Variants in CHLSN observed in about 807,000 individuals in gnomAD.
CHLSN encodes the protein cholesin.
At chr7:991,029 C>T in the CHLSN span, among the ~76,000 whole-genome samples, 7 of 151,998 alleles carry the variant, frequency 4.6e-5, no homozygotes, top group Non-Finnish European at 8.8e-5. Context: ...ACTCAGGCCC[C>T]GCCCTCCCGG....
At chr7:994,890 T>A in the CHLSN span, among the ~76,000 whole-genome samples, 85 of 152,366 alleles carry the variant, frequency 5.6e-4, no homozygotes, top group African/African-American at 1.9e-3. Flanking sequence ...AAAGCACGCA[T>A]GCCCACGCTA....
the CHLSN span, among the ~76,000 whole-genome samples, chr7:1,103,678 G>A: frequency 1.3e-5 from 2 of 152,148 alleles, no homozygotes; most frequent in African/African-American, 2.4e-5. Context: ...CATTATGATC[G>A]AGTTTAAACA....
chr7:1,089,522 G>A, the CHLSN span, among the ~76,000 whole-genome samples: 7 of 151,916 alleles, frequency 4.6e-5, no homozygotes, highest in African/African-American at 1.2e-4. Flanking sequence ...AGGCTCAGGC[G>A]ATCCTCCTGC....
the CHLSN span, among the ~76,000 whole-genome samples, chr7:1,113,810 G>A: frequency 2.0e-5 from 3 of 152,312 alleles, no homozygotes; most frequent in South Asian, 6.2e-4. Flanking sequence ...AAGGAGCGGT[G>A]CAGAAACTCT....
the CHLSN span, among the ~76,000 whole-genome samples, chr7:1,125,584 C>G: frequency 6.7e-6 from 1 of 149,548 alleles, no homozygotes; most frequent in African/African-American, 2.6e-5. Context: ...ACAGAATGGT[C>G]TCAAAGTTTA....
At chr7:1,105,539 A>G in the CHLSN span, among the ~76,000 whole-genome samples, 1 of 152,242 alleles carries the variant, frequency 6.6e-6, no homozygotes. Context: ...GTGCAAAACC[A>G]GGAGGCCAGC....
At chr7:1,016,201 G>GCACGCCAGCACACAGCAGCA in the CHLSN span, among the ~76,000 whole-genome samples, 1 of 33,904 alleles carries the variant, frequency 2.9e-5, no homozygotes. Flanking sequence ...ACACAGCAGC[G>GCACGCCAGCACACAGCAGCA]CACGCCAGCA....
the CHLSN span, chr7:1,057,623 G>T: frequency 1.3e-6 from 1 of 769,686 alleles, no homozygotes. Flanking sequence ...GCCTGGTGGT[G>T]GGCGTGCCAG....
chr7:1,047,925 C>T, the CHLSN span, among the ~76,000 whole-genome samples: 7 of 152,202 alleles, frequency 4.6e-5, no homozygotes, highest in African/African-American at 1.4e-4. Flanking sequence ...TCCCCTTCTA[C>T]GGTTTTCATC....
the CHLSN span, among the ~76,000 whole-genome samples, chr7:1,090,088 CAAT>C: frequency 4.6e-5 from 7 of 151,712 alleles, no homozygotes; most frequent in South Asian, 6.2e-4. Context: ...ACATTCAAAA[CAAT>C]AACTCCTAAT....
At chr7:1,120,155 C>G in the CHLSN span, among the ~76,000 whole-genome samples, 1 of 151,908 alleles carries the variant, frequency 6.6e-6, no homozygotes, top group African/African-American at 2.4e-5. Flanking sequence ...AAAAATTATA[C>G]CTCAATAAAA....
At chr7:1,086,127 C>T in the CHLSN span, among the ~76,000 whole-genome samples, 2 of 152,256 alleles carry the variant, frequency 1.3e-5, no homozygotes, top group Non-Finnish European at 2.9e-5. Flanking sequence ...GCAGGCTCCC[C>T]AGGAAACCCA....
chr7:1,042,909 C>T, the CHLSN span, among the ~76,000 whole-genome samples: 3 of 152,246 alleles, frequency 2.0e-5, no homozygotes, highest in South Asian at 2.1e-4. Context: ...CCTGGCTCCA[C>T]GGCCTGCAGT....
the CHLSN span, among the ~76,000 whole-genome samples, chr7:1,101,908 C>A: frequency 2.6e-5 from 4 of 152,246 alleles, no homozygotes; most frequent in Admixed American, 6.5e-5. Flanking sequence ...GCTGGGCCAC[C>A]GTCACCCTGC....
At chr7:1,058,441 G>A in the CHLSN span, 9 of 780,524 alleles carry the variant, frequency 1.2e-5, no homozygotes, top group South Asian at 4.0e-5. Flanking sequence ...AAGCTCCAAC[G>A]GCTGATGAAA....
At chr7:978,002 G>A in the CHLSN span, among the ~76,000 whole-genome samples, 4 of 152,192 alleles carry the variant, frequency 2.6e-5, no homozygotes, top group Non-Finnish European at 1.5e-5. Context: ...GCAAAGAAGC[G>A]CTCACTCACT....
chr7:985,322 A>C, the CHLSN span: 1 of 1,549,816 alleles, frequency 6.5e-7, no homozygotes, highest in Non-Finnish European at 8.7e-7. Flanking sequence ...CCTGGCCTGC[A>C]GGTGAGGAGC....
the CHLSN span, chr7:1,092,882 C>G: frequency 6.2e-7 from 1 of 1,601,636 alleles, no homozygotes; most frequent in Middle Eastern, 1.7e-4. Flanking sequence ...TAGGCCCAGC[C>G]AGGGTGTGAC....
At chr7:1,021,853 C>T in the CHLSN span, among the ~76,000 whole-genome samples, 2 of 152,244 alleles carry the variant, frequency 1.3e-5, no homozygotes, top group African/African-American at 2.4e-5. Flanking sequence ...CGCGCCCTTC[C>T]GCGGGGCGAG....
Sources: allele counts gnomAD v4.1 joint callset (sites outside exome capture counted in the v4.1 genomes callset), GRCh38; gene constraint gnomAD v4.1.1; transcripts MANE v1.5; gene names NCBI Gene and HGNC (gene_info 2026-07-23, HGNC 2026-07-21).